The following SREBF2 variants were observed in gnomAD, a reference collection of about 807,000 sequenced individuals.
SREBF2 encodes sterol regulatory element-binding protein 2.
SREBF2 carries 55 observed loss-of-function variants against 113.1 expected under a neutral mutation model. That is an observed-to-expected ratio of 0.49 (90% confidence interval 0.39 to 0.61). The LOEUF is 0.61. Among genes scored for constraint, SREBF2 ranks in the 20% least tolerant of loss-of-function variants. The probability of loss-of-function intolerance (pLI) is 0.00; values close to 1 mark genes in which losing one functional copy is unlikely to be tolerated. For missense variants in SREBF2, 1,349 were observed against 1,487.4 expected (o/e 0.91, Z 1.53); for synonymous variants, 593 against 605.7 (o/e 0.98, Z 0.31).
chr22:41,851,965 C>T (rs1022391527), intron 1 of SREBF2, among the ~76,000 whole-genome samples: 19 of 151,924 alleles, frequency 1.3e-4, no homozygotes, highest in Non-Finnish European at 2.2e-4. Flanking sequence ...CTAAAAAATA[C>T]GAAAAATTAG....
At chr22:41,904,541 T>G (rs2077489417) in intron 17 of SREBF2, 1 of 563,754 alleles carries the variant, frequency 1.8e-6, no homozygotes, top group African/African-American at 1.9e-5. Flanking sequence ...GCAGGCAGCC[T>G]CCAGGGCCTT....
At chr22:41,835,310 T>A (rs1322643166) in intron 1 of SREBF2, among the ~76,000 whole-genome samples, 1 of 92,714 alleles carries the variant, frequency 1.1e-5, no homozygotes, top group African/African-American at 3.3e-5. Context: ...GCCACCTAAA[T>A]TTTTTTTTTT....
chr22:41,898,811 C>A, intron 15 of SREBF2, 30 bp downstream of exon 15: 2 of 1,612,652 alleles, frequency 1.2e-6, no homozygotes, highest in South Asian at 2.2e-5. Context: ...CACTCACTTG[C>A]TTCTCTCCAG....
Position 41,870,996 on chromosome 22 carries a change from C to T in SREBF2, c.828C>T (p.Ala276=). ...CGGTCCAGAACCCGGCCCTCACCGCCCTCACCACCCCTATCCAGACGGCTG... is the reference window on the plus strand; with the variant it reads ...CGGTCCAGAACCCGGCCCTCACCGCTCTCACCACCCCTATCCAGACGGCTG... ...MAAVQNPALT[A]LTTPIQTAAL... Residue 276 remains alanine, a synonymous_variant, in exon 4 of 19, where the codon GCC becomes GCT. Coordinates refer to ENST00000361204, the MANE Select transcript of SREBF2 (RefSeq NM_004599.4). 1 of 1,614,120 alleles carries T rather than the reference C, an allele frequency of 6.2e-7. No individual in the cohort carries two copies. Among genetic ancestry groups the T allele is most frequent in the Non-Finnish European group, 8.5e-7 (1 of 1,180,020 alleles).
At chr22:41,859,079 C>T (rs1182891808) in intron 1 of SREBF2, among the ~76,000 whole-genome samples, 2 of 150,046 alleles carry the variant, frequency 1.3e-5, no homozygotes, top group East Asian at 3.9e-4. Flanking sequence ...GCCGAGATCC[C>T]GCCACTGCAC....
rs527948964 is a variant in SREBF2 at position 41,905,982 on chromosome 22, C to A, written c.*322C>A. 5 of 570,736 alleles carry A rather than the reference C, an allele frequency of 8.8e-6. No homozygotes were observed. Among genetic ancestry groups the A allele is most frequent in the Non-Finnish European group, 1.7e-5 (5 of 301,106 alleles). The allele number at this position is 570,736 out of a possible 1,614,324, so 35.4% of individuals were successfully genotyped here. Reference sequence around the variant, plus strand: ...CTTCCTGAGTTTCTCTCTCCTGAACCCTACTCTCTCCTTTTTGCTTCCTCA... The same window carrying A: ...CTTCCTGAGTTTCTCTCTCCTGAACACTACTCTCTCCTTTTTGCTTCCTCA... On this transcript the variant is annotated 3_prime_UTR_variant, in exon 19 of 19. Coordinates refer to ENST00000361204, the MANE Select transcript of SREBF2 (RefSeq NM_004599.4).
At chr22:41,854,956 A>G (rs1172466289) in intron 1 of SREBF2, among the ~76,000 whole-genome samples, 1 of 151,566 alleles carries the variant, frequency 6.6e-6, no homozygotes, top group Non-Finnish European at 1.5e-5. Flanking sequence ...TTGAATTCCT[A>G]GGTTCAAGCG....
At position 41,833,194 on chromosome 22, in the gene SREBF2, A is replaced by T; in HGVS notation, c.-77A>T. Reference sequence around the variant, plus strand: ...TGCCGGGCGGGGGTTGTCGGGTGTCATGGGCGGTGGCGACGGCACCGCCCC... The same window carrying T: ...TGCCGGGCGGGGGTTGTCGGGTGTCTTGGGCGGTGGCGACGGCACCGCCCC... On this transcript the variant is annotated 5_prime_UTR_variant, in exon 1 of 19. An upstream start codon of the reference 5' UTR is lost. Coordinates refer to ENST00000361204, the MANE Select transcript of SREBF2 (RefSeq NM_004599.4). The surrounding 1 kb of genome is among the most constrained non-coding windows in gnomAD (Gnocchi z 4.1). 1.6e-6 allele frequency: 2 copies of T among 1,212,224 alleles called. No individual in the cohort carries two copies. Among genetic ancestry groups the T allele is most frequent in the South Asian group, 2.9e-5 (2 of 69,366 alleles). The allele number at this position is 1,212,224 out of a possible 1,614,324, so 75.1% of individuals were successfully genotyped here.
rs138794009 is a variant in SREBF2, at chr22:41,902,984, C to T, written c.2922C>T (p.Leu974=). The change falls in exon 17 of 19, where the codon CTC becomes CTT. Residue 974 remains leucine (L), a synonymous_variant. Transcript: ENST00000361204. ...DPALNHVVQL[L]TCDLLLSLRT... ...TGACCCCACAGGTGGTCCAGCTGCTCACCTGTGACCTGCTACTGTCGCTAC... is the reference window on the plus strand; with the variant it reads ...TGACCCCACAGGTGGTCCAGCTGCTTACCTGTGACCTGCTACTGTCGCTAC... 4 of 1,610,936 alleles carry T rather than the reference C, an allele frequency of 2.5e-6. No homozygotes were observed. Among genetic ancestry groups the T allele is most frequent in the Non-Finnish European group, 3.4e-6 (4 of 1,178,876 alleles).
At chr22:41,839,961 T>C (rs927174173) in intron 1 of SREBF2, among the ~76,000 whole-genome samples, 6 of 145,294 alleles carry the variant, frequency 4.1e-5, no homozygotes, top group Non-Finnish European at 7.6e-5. Context: ...AGTTTCTTTT[T>C]TTTTTTTTTT....
chr22:41,904,647 T>C, intron 17 of SREBF2: 1 of 704,694 alleles, frequency 1.4e-6, no homozygotes, highest in Non-Finnish European at 2.7e-6. Flanking sequence ...TGCCTCTCTC[T>C]CCTCTCATCC....
At chr22:41,848,691 C>T (rs1602274897) in intron 1 of SREBF2, among the ~76,000 whole-genome samples, 1 of 152,230 alleles carries the variant, frequency 6.6e-6, no homozygotes, top group Non-Finnish European at 1.5e-5. Context: ...GAGCACAGGG[C>T]TTAGAGGAAG....
At chr22:41,848,328 C>G (rs943428649) in intron 1 of SREBF2, among the ~76,000 whole-genome samples, 1 of 152,018 alleles carries the variant, frequency 6.6e-6, no homozygotes. Flanking sequence ...ACCTCATGAT[C>G]CGCCCACCGT....
Position 41,905,710 on chromosome 22 carries a change from C to A in SREBF2, c.*50C>A. ...ACCTCTCTCTCGATTTCTCTCTCTC[C>A]CCCTCAGCATCTTCCCGCTGAGAGT... On this transcript the variant is annotated 3_prime_UTR_variant, in exon 19 of 19. Transcript: ENST00000361204. The A allele has an allele frequency of 6.6e-7, 1 of 1,519,928 alleles. No individual in the cohort carries two copies. The highest frequency in any genetic ancestry group is 8.9e-7 in the Non-Finnish European group (1 of 1,119,060). The allele number at this position is 1,519,928 out of a possible 1,614,324, so 94.2% of individuals were successfully genotyped here.
rs79853294 is a variant in SREBF2, at chr22:41,905,518, T to C, written c.3284T>C (p.Phe1095Ser). ...GCCTGCCGCCACCTGCCCCTCTCCT[T>C]CCTCTCCTCCCCGGGCCAGCGGGCA... ...LLACRHLPLSFLSSPGQRAVL... is the reference protein window; with the variant it reads ...LLACRHLPLSSLSSPGQRAVL... Residue 1095 changes from phenylalanine to serine, a missense_variant, in exon 19 of 19, where the codon TTC (phenylalanine) becomes TCC (serine). Physicochemically the swap from Phe to Ser is radical, Grantham distance 155. Coordinates refer to ENST00000361204, the MANE Select transcript of SREBF2 (RefSeq NM_004599.4). The C allele has an allele frequency of 3.8e-6, 6 of 1,584,858 alleles. No individual in the cohort carries two copies. The highest frequency in any genetic ancestry group is 5.1e-6 in the Non-Finnish European group (6 of 1,166,052).
chr22:41,867,730 C>T (rs186078485), intron 2 of SREBF2, among the ~76,000 whole-genome samples: 2 of 152,074 alleles, frequency 1.3e-5, no homozygotes. Context: ...TGGCGTGAAC[C>T]CGGGAGGCAG....
chr22:41,904,947 C>A lies in SREBF2; in HGVS notation c.3178C>A (p.Arg1060=). The A allele has an allele frequency of 6.2e-7, 1 of 1,600,358 alleles. No individual in the cohort carries two copies. The change falls in exon 18 of 19, where the codon CGG becomes AGG. Residue 1060 remains arginine (R), a synonymous_variant. Coordinates refer to ENST00000361204, the MANE Select transcript of SREBF2 (RefSeq NM_004599.4). ...CCAGCTGCTGGAACACAGCCTGCGGCGGCGCACCACGCAGAGCACCAAGCA... is the reference window on the plus strand; with the variant it reads ...CCAGCTGCTGGAACACAGCCTGCGGAGGCGCACCACGCAGAGCACCAAGCA... ...THQLLEHSLR[R]RTTQSTKHGE... is the part of the protein sequence containing the mutation.
rs1235487001 is a variant in SREBF2, at chr22:41,903,060, AC to A, written c.3000del (p.Tyr1001ThrfsTer41). On this transcript the variant is annotated frameshift_variant, in exon 17 of 19. Transcript: ENST00000361204. LOFTEE classifies it high-confidence loss of function. ...CAGTGCCAGCCAGGCTGTGGGGGAG[AC>A]CTACCACGCGTCAGGCGCTGAACTG... Reference protein sequence around the residue: ...QASASQAVGETYHASGAELAG... With the variant: ...QASASQAVGEXYHASGAELAG... 6.2e-7 allele frequency: 1 copy of A among 1,604,316 alleles called. No homozygotes were observed. The highest frequency in any genetic ancestry group is 8.5e-7 in the Non-Finnish European group (1 of 1,175,766).
chr22:41,866,925 T>TAGCAGCAGCGGCAGCAGTGGC lies in SREBF2; in HGVS notation c.193_213dup (p.Gly65_Ser71dup), dbSNP rs771095016. 6 of 1,613,942 alleles carry TAGCAGCAGCGGCAGCAGTGGC rather than the reference T, an allele frequency of 3.7e-6. No homozygotes were observed. In the South Asian group the frequency reaches 4.4e-5, roughly 12 times the overall value. Reference sequence around the variant, plus strand: ...CCTTTCCTGGCAGTGGTGGTAGTGGTAGCAGCAGCGGCAGCAGTGGCAGCA... The same window carrying TAGCAGCAGCGGCAGCAGTGGC: ...CCTTTCCTGGCAGTGGTGGTAGTGGTAGCAGCAGCGGCAGCAGTGGCAGCAGCAGCGGCAGCAGTGGCAGCA... On this transcript the variant is annotated inframe_insertion, in exon 2 of 19. Transcript: ENST00000361204.
Sources: gnomAD v4.1 joint callset for allele counts (sites outside exome capture counted in the v4.1 genomes callset) on GRCh38, gnomAD v4.1.1 for gene constraint, Gnocchi (gnomAD v3.1) non-coding constraint, MANE v1.5 for transcripts, NCBI Gene and HGNC (gene_info 2026-07-23, HGNC 2026-07-21) for gene names.